The following AGAP1 variants were observed in gnomAD, a reference collection of about 807,000 sequenced individuals.
The protein encoded by AGAP1 is arf-GAP with GTPase, ANK repeat and PH domain-containing protein 1.
A neutral mutation model predicts 105.3 loss-of-function variants in AGAP1; 29 were observed. The ratio of observed to expected loss-of-function variants is 0.28; its 90% CI spans 0.21 to 0.38. The LOEUF is 0.38. Among genes scored for constraint, AGAP1 ranks in the 10% least tolerant of loss-of-function variants. The pLI is 1.00. For synonymous variants in AGAP1, 509 were observed against 485.9 expected (o/e 1.05, Z -0.63); for missense variants, 998 against 1,165.1 (o/e 0.86, Z 2.09).
In AGAP1 at chr2:235,882,399, T is replaced by C. The variant is rs2050070681; in HGVS notation, c.1051-946T>C. 6.3e-7 allele frequency: 1 copy of C among 1,577,094 alleles called. No individual in the cohort carries two copies. Among genetic ancestry groups the C allele is most frequent in the African/African-American group, 1.4e-5 (1 of 74,044 alleles). The stretch of plus-strand genomic sequence containing the variant: ...ACTCCGCTTCTGCCCAGTGGTCTCT[T>C]TGGTCGGCAGGGTGTTCTTCTCCTG... On this transcript the variant is annotated intron_variant, in intron 9 of 17. Transcript: ENST00000304032. This position sits in a 1 kb window ranked among gnomAD's most constrained non-coding sequence, Gnocchi z 4.6.
chr2:235,902,462 T>C (rs1371774363), intron 10 of AGAP1, among the ~76,000 whole-genome samples: 1 of 152,236 alleles, frequency 6.6e-6, no homozygotes, highest in Non-Finnish European at 1.5e-5. Context: ...TGTGATGTCA[T>C]ACCCCGGTCA....
At chr2:235,938,849 C>T (rs1559671600) in intron 12 of AGAP1, among the ~76,000 whole-genome samples, 1 of 152,104 alleles carries the variant, frequency 6.6e-6, no homozygotes, top group Non-Finnish European at 1.5e-5. Flanking sequence ...AGGACCCTCT[C>T]AGGAAGGCGT....
At chr2:235,709,041 T>C in intron 1 of AGAP1, 138 bp from the exon 2 acceptor site, 1 of 830,118 alleles carries the variant, frequency 1.2e-6, no homozygotes, top group East Asian at 2.4e-5. Flanking sequence ...CTGATCTTTC[T>C]GGGGTGAGAG....
intron 15 of AGAP1, among the ~76,000 whole-genome samples, chr2:236,043,073 T>A (rs1216856697): frequency 1.3e-5 from 2 of 152,206 alleles, no homozygotes; most frequent in Non-Finnish European, 2.9e-5. Flanking sequence ...TTCTCAAGAA[T>A]GGAAAGGCTC....
At chr2:235,693,951 T>C (rs1949867823) in intron 1 of AGAP1, among the ~76,000 whole-genome samples, 1 of 152,188 alleles carries the variant, frequency 6.6e-6, no homozygotes, top group Non-Finnish European at 1.5e-5. Context: ...ACCAGGAACA[T>C]TTTATAAAAA....
intron 16 of AGAP1, chr2:236,049,864 T>G (rs2057844499): frequency 1.3e-5 from 2 of 152,580 alleles, no homozygotes; most frequent in South Asian, 4.1e-4. Context: ...CATTTTTCAT[T>G]TACAGCTATT....
intron 1 of AGAP1, among the ~76,000 whole-genome samples, chr2:235,589,689 A>G (rs1945265123): frequency 1.3e-5 from 2 of 150,102 alleles, no homozygotes; most frequent in Admixed American, 1.3e-4. Flanking sequence ...TCAAAAAAAT[A>G]TAGATAGATA....
intron 12 of AGAP1, among the ~76,000 whole-genome samples, chr2:235,937,756 A>G (rs2053061348): frequency 6.6e-6 from 1 of 152,090 alleles, no homozygotes; most frequent in Non-Finnish European, 1.5e-5. Context: ...TGGTTGTCAC[A>G]TAGGGGAGGG....
intron 9 of AGAP1, among the ~76,000 whole-genome samples, chr2:235,841,077 G>T (rs1485712395): frequency 1.3e-5 from 2 of 152,096 alleles, no homozygotes. Flanking sequence ...GGATGGAGGG[G>T]TCTTTGATGA....
At chr2:235,839,320 C>T (rs1233544096) in intron 9 of AGAP1, among the ~76,000 whole-genome samples, 1 of 152,220 alleles carries the variant, frequency 6.6e-6, no homozygotes, top group African/African-American at 2.4e-5. Context: ...CGTGCAGGCA[C>T]ACATACACAC....
At chr2:235,570,829 C>T (rs571967651) in intron 1 of AGAP1, among the ~76,000 whole-genome samples, 7 of 152,268 alleles carry the variant, frequency 4.6e-5, no homozygotes, top group Admixed American at 2.6e-4. Context: ...GTGATTAGGC[C>T]GGTGCCTGGC....
intron 16 of AGAP1, among the ~76,000 whole-genome samples, chr2:236,107,156 C>G (rs896591476): frequency 1.4e-5 from 2 of 139,582 alleles, no homozygotes; most frequent in Admixed American, 7.3e-5. Context: ...CCTCAAACTT[C>G]AGAGGCAGCA....
intron 1 of AGAP1, among the ~76,000 whole-genome samples, chr2:235,594,441 T>G (rs1184505683): frequency 6.6e-6 from 1 of 152,144 alleles, no homozygotes; most frequent in Non-Finnish European, 1.5e-5. Flanking sequence ...TAAATGAGTT[T>G]CCTTTTGGCT....
chr2:236,008,066 A>G (rs189765891), intron 13 of AGAP1, among the ~76,000 whole-genome samples: 1 of 152,340 alleles, frequency 6.6e-6, no homozygotes, highest in Non-Finnish European at 1.5e-5. Context: ...TGTGTTTTCA[A>G]TTTGGATTGC....
intron 1 of AGAP1, among the ~76,000 whole-genome samples, chr2:235,518,648 G>C (rs1942493520): frequency 6.6e-6 from 1 of 152,202 alleles, no homozygotes; most frequent in Non-Finnish European, 1.5e-5. Flanking sequence ...AGAGAAAGGA[G>C]AGTGACATGG....
chr2:235,790,387 A>G (rs781775082), intron 6 of AGAP1, among the ~76,000 whole-genome samples: 2 of 152,128 alleles, frequency 1.3e-5, no homozygotes, highest in Admixed American at 1.3e-4. Context: ...AACAAAATAT[A>G]TGTGTGCTTC....
chr2:235,696,561 G>A (rs1167397999), intron 1 of AGAP1, among the ~76,000 whole-genome samples: 2 of 152,180 alleles, frequency 1.3e-5, no homozygotes, highest in African/African-American at 4.8e-5. Flanking sequence ...GGTCCGTGTG[G>A]GTCAGCCGGC....
rs537044065 is a variant in AGAP1, at chr2:235,604,759, T to G, written c.164-104420T>G. ...TACCACGCCTGGCTAATTTTTTGTA[T>G]TTTTAGTAGAGATGGGGTTTCACCA... is the stretch of plus-strand genomic sequence containing the variant. On this transcript the variant is annotated intron_variant, in intron 1 of 17. Transcript: ENST00000304032. Among the ~76,000 whole-genome samples, 8 of 151,690 alleles carry G rather than the reference T, an allele frequency of 5.3e-5. No individual in the cohort carries two copies. In the South Asian group the frequency reaches 1.5e-3, roughly 28 times the overall value.
intron 1 of AGAP1, among the ~76,000 whole-genome samples, chr2:235,677,575 C>A (rs1257359071): frequency 1.3e-5 from 2 of 152,010 alleles, no homozygotes; most frequent in Non-Finnish European, 2.9e-5. Flanking sequence ...GTGTTGTGGT[C>A]AACACACAGG....
Sources: allele counts gnomAD v4.1 joint callset (sites outside exome capture counted in the v4.1 genomes callset), GRCh38; gene constraint gnomAD v4.1.1; non-coding constraint Gnocchi (gnomAD v3.1); transcripts MANE v1.5; gene names NCBI Gene and HGNC (gene_info 2026-07-23, HGNC 2026-07-21).